The following ADAMTS17 variants were observed in gnomAD, a reference collection of about 807,000 sequenced individuals.
ADAMTS17 encodes ADAM metallopeptidase with thrombospondin type 1 motif 17.
In ADAMTS17, 113 loss-of-function variants were observed where a neutral mutation model predicts 141.5. That is an observed-to-expected ratio of 0.80 (90% confidence interval 0.69 to 0.93). The LOEUF is 0.93. ADAMTS17 is among the 40% of genes least tolerant of loss of function. ADAMTS17 has a pLI of 0.00. For missense variants in ADAMTS17, 1,659 were observed against 1,517.9 expected, an observed-to-expected ratio of 1.09 and a Z score of -1.54; for synonymous variants, 768 against 630.6, an observed-to-expected ratio of 1.22 and a Z score of -3.27.
chr15:100,305,124 A>G (rs1596484140), intron 3 of ADAMTS17, among the ~76,000 whole-genome samples: 1 of 152,226 alleles, frequency 6.6e-6, no homozygotes, highest in Admixed American at 6.5e-5. Flanking sequence ...GTGGTGCAGG[A>G]GCAGAGGGGG....
chr15:100,309,739 C>T (rs2045343404), intron 3 of ADAMTS17, among the ~76,000 whole-genome samples: 1 of 152,216 alleles, frequency 6.6e-6, no homozygotes, highest in African/African-American at 2.4e-5. Context: ...CCCCAAATCG[C>T]CATCATGACC....
At chr15:100,326,952 T>C (rs1596531491) in intron 3 of ADAMTS17, among the ~76,000 whole-genome samples, 1 of 152,252 alleles carries the variant, frequency 6.6e-6, no homozygotes, top group East Asian at 1.9e-4. Flanking sequence ...GCTTTACTCA[T>C]CAGCTCCATG....
At position 99,976,299 on chromosome 15, in the gene ADAMTS17, GCGGAGACAGGACAGCC is replaced by G. The variant is rs1567629990; in HGVS notation, c.2950-93_2950-78del. 2.8e-5 allele frequency: 42 copies of G among 1,510,996 alleles called. No individual in the cohort carries two copies. The African/African-American group carries it at 5.7e-4, about 21-fold the overall frequency. The allele number at this position is 1,510,996 out of a possible 1,614,324, so 93.6% of individuals were successfully genotyped here. ...GATGATGGCCTCACAATGTGGCACTGCGGAGACAGGACAGCCTGAGTGGGGGCCTACACGAGGTCAG... is the reference window on the plus strand; with the variant it reads ...GATGATGGCCTCACAATGTGGCACTGTGAGTGGGGGCCTACACGAGGTCAG... On this transcript the variant is annotated intron_variant, in intron 20 of 21. Transcript: ENST00000268070.
At chr15:100,205,233 A>G (rs2041490585) in intron 7 of ADAMTS17, among the ~76,000 whole-genome samples, 1 of 152,120 alleles carries the variant, frequency 6.6e-6, no homozygotes, top group Non-Finnish European at 1.5e-5. Flanking sequence ...CCTGGGCTGG[A>G]GCAGTCACTC....
intron 8 of ADAMTS17, among the ~76,000 whole-genome samples, chr15:100,168,199 G>A (rs59562882): frequency 2.0e-5 from 3 of 152,196 alleles, no homozygotes; most frequent in African/African-American, 7.2e-5. Flanking sequence ...CTCCTGGTCT[G>A]CCAAGGGTGC....
intron 3 of ADAMTS17, among the ~76,000 whole-genome samples, chr15:100,290,017 C>A (rs879303765): frequency 2.0e-5 from 3 of 152,154 alleles, no homozygotes; most frequent in Non-Finnish European, 2.9e-5. Flanking sequence ...CTAGCCAGAG[C>A]ATTCAGGCAA....
chr15:100,285,394 C>T (rs2044414058), intron 3 of ADAMTS17, among the ~76,000 whole-genome samples: 1 of 152,190 alleles, frequency 6.6e-6, no homozygotes, highest in Non-Finnish European at 1.5e-5. Flanking sequence ...ACAACTATCT[C>T]AACTGTGAAT....
At chr15:100,179,612 G>C (rs1223174866) in intron 8 of ADAMTS17, among the ~76,000 whole-genome samples, 1 of 152,114 alleles carries the variant, frequency 6.6e-6, no homozygotes. Flanking sequence ...AGTTTATTGA[G>C]GAACCTCCAA....
At chr15:100,283,684 G>T (rs988615108) in intron 3 of ADAMTS17, among the ~76,000 whole-genome samples, 1 of 152,184 alleles carries the variant, frequency 6.6e-6, no homozygotes, top group Non-Finnish European at 1.5e-5. Context: ...TGCATTCCTA[G>T]CAGGGCCCAC....
intron 7 of ADAMTS17, among the ~76,000 whole-genome samples, chr15:100,227,605 C>T (rs1325430910): frequency 1.3e-5 from 2 of 152,212 alleles, no homozygotes; most frequent in South Asian, 2.1e-4. Flanking sequence ...TGTGGTCCTC[C>T]TGGCCTTTCC....
In ADAMTS17 at chr15:99,973,541, C is replaced by T. The variant is rs1307267457; in HGVS notation, c.*861G>A. ...GTTCCCGGAAGGCGGGGCAGGTGCC[C>T]ATCCGCCCCAGTGAAGCTGGCCCAA... On this transcript the variant is annotated 3_prime_UTR_variant, in exon 22 of 22. Coordinates refer to ENST00000268070, the MANE Select transcript of ADAMTS17 (RefSeq NM_139057.4). The T allele has an allele frequency of 6.6e-6, 1 of 152,366 alleles. No homozygotes were observed. Among genetic ancestry groups the T allele is most frequent in the Non-Finnish European group, 1.5e-5 (1 of 68,172 alleles). 9.4% of individuals were successfully genotyped at this position (152,366 alleles called of 1,614,324 possible). A position where few individuals can be genotyped will look rare whatever the true frequency, so the allele number is the denominator to read the frequency against.
chr15:100,339,632 CCCCGCCCCAGGTCCACA>C, intron 2 of ADAMTS17, among the ~76,000 whole-genome samples: 1 of 103,184 alleles, frequency 9.7e-6, no homozygotes, highest in South Asian at 2.9e-4. Context: ...GGTCCACATT[CCCCGCCCCAGGTCCACA>C]TTCCCCGCCC....
At chr15:100,284,869 A>T (rs778900675) in intron 3 of ADAMTS17, among the ~76,000 whole-genome samples, 2 of 152,212 alleles carry the variant, frequency 1.3e-5, no homozygotes, top group Non-Finnish European at 2.9e-5. Context: ...ACCTCACCAG[A>T]GAGGTCAAAG....
At chr15:100,278,484 G>A (rs1376077342) in intron 4 of ADAMTS17, among the ~76,000 whole-genome samples, 1 of 152,200 alleles carries the variant, frequency 6.6e-6, no homozygotes, top group East Asian at 1.9e-4. Flanking sequence ...CCCTGGCCCA[G>A]GTCCCAGGGG....
At chr15:100,048,746 G>A in intron 18 of ADAMTS17, 111 bp downstream of exon 18, 4 of 1,504,396 alleles carry the variant, frequency 2.7e-6, no homozygotes, top group Non-Finnish European at 3.7e-6. Flanking sequence ...AACAATAACG[G>A]AACACAGCAT....
chr15:100,180,180 T>C (rs931011960), intron 8 of ADAMTS17, among the ~76,000 whole-genome samples: 1 of 152,202 alleles, frequency 6.6e-6, no homozygotes, highest in Non-Finnish European at 1.5e-5. Flanking sequence ...CTTTAATCTA[T>C]TTTGGTTTTT....
intron 15 of ADAMTS17, among the ~76,000 whole-genome samples, chr15:100,080,320 T>G (rs888734226): frequency 2.6e-5 from 4 of 151,950 alleles, no homozygotes; most frequent in Non-Finnish European, 5.9e-5. Flanking sequence ...AAGAAGGGAG[T>G]TACAGTGTTG....
chr15:100,140,996 G>A (rs1040269030), intron 10 of ADAMTS17, among the ~76,000 whole-genome samples: 1 of 152,172 alleles, frequency 6.6e-6, no homozygotes, highest in Non-Finnish European at 1.5e-5. Flanking sequence ...CAGGGGTGGG[G>A]GTACTAAGAC....
chr15:100,197,926 A>T (rs1290716090), intron 8 of ADAMTS17, among the ~76,000 whole-genome samples: 1 of 152,238 alleles, frequency 6.6e-6, no homozygotes, highest in African/African-American at 2.4e-5. Flanking sequence ...ACCCAGGAAC[A>T]GAAAACCAAA....
Sources: gnomAD v4.1 joint callset for allele counts (sites outside exome capture counted in the v4.1 genomes callset) on GRCh38, gnomAD v4.1.1 for gene constraint, MANE v1.5 for transcripts, NCBI Gene and HGNC (gene_info 2026-07-23, HGNC 2026-07-21) for gene names.